EVA1C: variants seen among roughly 807,000 people sequenced by gnomAD.
EVA1C encodes eva-1 homolog C.
A neutral mutation model predicts 45.4 loss-of-function variants in EVA1C; 25 were observed. That is an observed-to-expected ratio of 0.55 (90% CI 0.40 to 0.77). EVA1C has a LOEUF of 0.77. Among genes scored for constraint, EVA1C ranks in the 30% least tolerant of loss-of-function variants. The probability of loss-of-function intolerance (pLI) is 0.00; values close to 1 mark genes in which losing one functional copy is unlikely to be tolerated. For synonymous variants in EVA1C, 190 were observed against 221.2 expected, an observed-to-expected ratio of 0.86 and a Z score of 1.25; for missense variants, 479 against 554.8, an observed-to-expected ratio of 0.86 and a Z score of 1.37.
At chr21:32,448,997 AAGG>A (rs955452581) in intron 1 of EVA1C, among the ~76,000 whole-genome samples, 2 of 150,606 alleles carry the variant, frequency 1.3e-5, no homozygotes, top group African/African-American at 4.9e-5. Flanking sequence ...GAAAGAAAGA[AAGG>A]AGGGAGGGTG....
intron 2 of EVA1C, among the ~76,000 whole-genome samples, chr21:32,457,109 C>T (rs1484161412): frequency 6.6e-6 from 1 of 152,086 alleles, no homozygotes; most frequent in African/African-American, 2.4e-5. Context: ...GGTTTGGGTC[C>T]CCAAGAGCTC....
At chr21:32,511,540 G>T (rs967222201) in intron 7 of EVA1C, among the ~76,000 whole-genome samples, 2 of 151,914 alleles carry the variant, frequency 1.3e-5, no homozygotes, top group African/African-American at 4.8e-5. Flanking sequence ...CATGACATGA[G>T]CCAGCATTTG....
intron 1 of EVA1C, among the ~76,000 whole-genome samples, chr21:32,431,928 G>A (rs991040209): frequency 3.9e-5 from 6 of 152,156 alleles, no homozygotes; most frequent in African/African-American, 9.7e-5. Context: ...GATTTTGCCA[G>A]TTAACCCAAT....
chr21:32,451,378 A>G (rs1312148962), intron 1 of EVA1C, among the ~76,000 whole-genome samples: 1 of 152,062 alleles, frequency 6.6e-6, no homozygotes, highest in African/African-American at 2.4e-5. Flanking sequence ...GAGAAGGAGG[A>G]AGGGGATCTA....
chr21:32,496,573 G>C (rs1416539188), intron 5 of EVA1C, among the ~76,000 whole-genome samples: 1 of 152,188 alleles, frequency 6.6e-6, no homozygotes, highest in East Asian at 1.9e-4. Context: ...CATTTTGGCT[G>C]AGGTTCCCCC....
Position 32,515,166 on chromosome 21 carries a change from A to T in EVA1C, c.1302A>T (p.Pro434=). ...WMNSGLDTSL[P]RNMGQFY ...ACAGTGGTTTGGACACCTCGCTCCC[A>T]AGAAACATGGGCCAGTTCTACTGAA... The change falls in exon 8 of 8, where the codon CCA becomes CCT. Residue 434 remains proline, a synonymous_variant. Coordinates refer to ENST00000300255, the MANE Select transcript of EVA1C (RefSeq NM_058187.5). The T allele has an allele frequency of 6.3e-7, 1 of 1,595,564 alleles. No individual in the cohort carries two copies. The highest frequency in any genetic ancestry group is 8.6e-7 in the Non-Finnish European group (1 of 1,167,608).
intron 5 of EVA1C, among the ~76,000 whole-genome samples, chr21:32,497,898 C>T (rs1019774682): frequency 1.3e-5 from 2 of 152,062 alleles, no homozygotes; most frequent in Admixed American, 6.6e-5. Context: ...GACAACAGCC[C>T]GGGAAAGACC....
At chr21:32,446,187 G>A (rs2035358702) in intron 1 of EVA1C, among the ~76,000 whole-genome samples, 1 of 151,976 alleles carries the variant, frequency 6.6e-6, no homozygotes, top group Admixed American at 6.6e-5. Flanking sequence ...AGGTTGCAGT[G>A]AGCCGAGATT....
At chr21:32,443,790 T>C (rs1449254850) in intron 1 of EVA1C, among the ~76,000 whole-genome samples, 1 of 152,190 alleles carries the variant, frequency 6.6e-6, no homozygotes, top group Non-Finnish European at 1.5e-5. Context: ...CACTTCTTTA[T>C]TATTAGTTTG....
intron 4 of EVA1C, among the ~76,000 whole-genome samples, chr21:32,470,340 G>A (rs1025087478): frequency 2.0e-5 from 3 of 152,210 alleles, no homozygotes; most frequent in African/African-American, 7.2e-5. Context: ...CCCTTGTGTC[G>A]AGAATGGTGG....
At chr21:32,411,723 A>G (rs1186696096), upstream of EVA1C, among the ~76,000 whole-genome samples, 1 of 152,124 alleles carries the variant, frequency 6.6e-6, no homozygotes, top group Admixed American at 6.5e-5. Context: ...CGGGTTCGGG[A>G]ACACTGTGTG....
intron 3 of EVA1C, among the ~76,000 whole-genome samples, chr21:32,460,412 A>T (rs543834301): frequency 1.3e-5 from 2 of 152,276 alleles, no homozygotes; most frequent in African/African-American, 4.8e-5. Flanking sequence ...TAGCAGCATC[A>T]TCGTTTAGAT....
rs1017677310 is a variant in EVA1C, at chr21:32,474,315, G to C, written c.634+6467G>C. Among the ~76,000 whole-genome samples, 2 of 152,198 alleles carry C rather than the reference G, an allele frequency of 1.3e-5. No homozygotes were observed. The highest frequency in any genetic ancestry group is 4.8e-5 in the African/African-American group (2 of 41,452). ...TACATCAGTCTTCAGCTGTGGTCCT[G>C]CTGCACACGCCTCTTCCCTCACTAC... On this transcript the variant is annotated intron_variant, in intron 4 of 7. Coordinates refer to ENST00000300255, the MANE Select transcript of EVA1C (RefSeq NM_058187.5). This position sits in a 1 kb window ranked among gnomAD's most constrained non-coding sequence, Gnocchi z 4.4.
intron 3 of EVA1C, among the ~76,000 whole-genome samples, chr21:32,464,281 C>T (rs928714618): frequency 1.3e-5 from 2 of 152,108 alleles, no homozygotes; most frequent in East Asian, 3.8e-4. Context: ...GTTCTTCCTG[C>T]GTGTTAAACT....
At position 32,473,703 on chromosome 21, in the gene EVA1C, A is replaced by G. The variant is rs544177652; in HGVS notation, c.634+5855A>G. Among the ~76,000 whole-genome samples, 3 of 152,226 alleles carry G rather than the reference A, an allele frequency of 2.0e-5. No homozygotes were observed. The South Asian group carries it at 6.2e-4, about 32-fold the overall frequency. ...CAGAGGGATTGTATTTATTTATTTC[A>G]AAAAAATTGTTGGAGACAGGGTCTC... On this transcript the variant is annotated intron_variant, in intron 4 of 7. Transcript: ENST00000300255.
At chr21:32,469,577 G>A (rs1029917013) in intron 4 of EVA1C, among the ~76,000 whole-genome samples, 1 of 152,228 alleles carries the variant, frequency 6.6e-6, no homozygotes, top group Non-Finnish European at 1.5e-5. Context: ...AGGATACGCA[G>A]GTGCTTGTAT....
chr21:32,444,028 C>G (rs1306539939), intron 1 of EVA1C, among the ~76,000 whole-genome samples: 1 of 150,752 alleles, frequency 6.6e-6, no homozygotes, highest in African/African-American at 2.4e-5. Flanking sequence ...CCAGCAACTC[C>G]CACTTCTGAC....
chr21:32,463,615 T>G (rs1473060592), intron 3 of EVA1C, among the ~76,000 whole-genome samples: 6 of 152,142 alleles, frequency 3.9e-5, no homozygotes, highest in Non-Finnish European at 8.8e-5. Context: ...GCCTTGCATG[T>G]GGGTGTTGCG....
In EVA1C at chr21:32,507,731, C is replaced by T. The variant is rs555135894; in HGVS notation, c.949+3716C>T. 3.3e-3 allele frequency among the ~76,000 whole-genome samples: 474 copies of T among 142,490 alleles called. 2 individuals are homozygous for T. Among genetic ancestry groups the T allele is most frequent in the African/African-American group, 0.012 (444 of 36,812 alleles). The allele number at this position is 142,490 out of a possible 152,430, so 93.5% of individuals were successfully genotyped here. On this transcript the variant is annotated intron_variant, in intron 7 of 7. Coordinates refer to ENST00000300255, the MANE Select transcript of EVA1C (RefSeq NM_058187.5). ...ACGTGTGTGTGCATGTGTGTGCATACGTGTATCTGCATGTGCATATGTGTT... is the reference window on the plus strand; with the variant it reads ...ACGTGTGTGTGCATGTGTGTGCATATGTGTATCTGCATGTGCATATGTGTT...
Sources: allele counts gnomAD v4.1 joint callset (sites outside exome capture counted in the v4.1 genomes callset), GRCh38; gene constraint gnomAD v4.1.1; non-coding constraint Gnocchi (gnomAD v3.1); transcripts MANE v1.5; gene names NCBI Gene and HGNC (gene_info 2026-07-23, HGNC 2026-07-21).